Variants in KCNG4 observed in about 807,000 individuals in gnomAD.
The protein encoded by KCNG4 is voltage-gated potassium channel regulatory subunit KCNG4.
A neutral mutation model predicts 28.2 loss-of-function variants in KCNG4; 30 were observed. The observed-to-expected ratio is 1.06, with a 90% CI of 0.80 to 1.44. The LOEUF (loss-of-function observed/expected upper bound fraction) is 1.44, where lower values mean the gene tolerates loss of function less well. Among genes scored for constraint, KCNG4 ranks in the 40% most tolerant of loss-of-function variants. The pLI is 0.00. For missense variants in KCNG4, 879 were observed against 712.3 expected, an observed-to-expected ratio of 1.23 and a Z score of -2.66; for synonymous variants, 375 against 315.5, an observed-to-expected ratio of 1.19 and a Z score of -2.00.
intron 2 of KCNG4, among the ~76,000 whole-genome samples, chr16:84,228,390 G>T (rs944126451): frequency 1.4e-5 from 2 of 142,962 alleles, no homozygotes; most frequent in Admixed American, 1.4e-4. Flanking sequence ...TTCACCATTT[G>T]TGCCTTTGGC....
Position 84,219,220 on chromosome 16 carries a change from C to G in KCNG4, c.*2997G>C, listed in dbSNP as rs1430817776. Reference sequence around the variant, plus strand: ...CTGCTGGTCTTCTTCATCCGCAGGACAGTCCCTGAGCTTGCTTTGTGGAAC... The same window carrying G: ...CTGCTGGTCTTCTTCATCCGCAGGAGAGTCCCTGAGCTTGCTTTGTGGAAC... On this transcript the variant is annotated 3_prime_UTR_variant, in exon 3 of 3. Transcript: ENST00000308251. 2 of 152,274 alleles carry G rather than the reference C, an allele frequency of 1.3e-5. No individual in the cohort carries two copies. Among genetic ancestry groups the G allele is most frequent in the African/African-American group, 2.4e-5 (1 of 41,462 alleles). The allele number at this position is 152,274 out of a possible 1,614,324, so 9.4% of individuals were successfully genotyped here.
rs114015720 is a variant in KCNG4, at chr16:84,224,507, G to A, written c.757-1487C>T. Among the ~76,000 whole-genome samples the A allele has an allele frequency of 3.2e-3, 491 of 152,252 alleles. 4 individuals carry two copies. The highest frequency in any genetic ancestry group is 0.011 in the African/African-American group (477 of 41,542). ...AACTTCTCTGTGTAAAAGGCAAGGT[G>A]TTGACAACCACAGTTTTCTCTGGAT... On this transcript the variant is annotated intron_variant, in intron 2 of 2. Coordinates refer to ENST00000308251, the MANE Select transcript of KCNG4 (RefSeq NM_172347.3).
rs181403342 is a variant in KCNG4, at chr16:84,228,197, C to G, written c.757-5177G>C. 1.8e-4 allele frequency among the ~76,000 whole-genome samples: 27 copies of G among 152,336 alleles called. No individual in the cohort carries two copies. The East Asian group carries it at 5.0e-3, about 28-fold the overall frequency. On this transcript the variant is annotated intron_variant, in intron 2 of 2. Coordinates refer to ENST00000308251, the MANE Select transcript of KCNG4 (RefSeq NM_172347.3). The stretch of plus-strand genomic sequence containing the variant: ...TGCAGGCCAGTTCTGGAAGCTCCAT[C>G]TGGGAGGGGCTCAGGGCCCACAGTC...
In KCNG4 at chr16:84,222,857, T is replaced by C. The variant is rs1279382699; in HGVS notation, c.920A>G (p.Tyr307Cys). The change falls in exon 3 of 3, where the codon TAC (tyrosine) becomes TGC (cysteine). Residue 307 changes from tyrosine (Y) to cysteine (C), a missense_variant. Transcript: ENST00000308251. ...CTCCTCAGACACCGCCAGCGACACG[T>C]AGTATGGGGAGATGGCCAGGATGTC... is the stretch of plus-strand genomic sequence containing the variant. ...IIDILAISPYYVSLAVSEEPP... is the reference protein window; with the variant it reads ...IIDILAISPYCVSLAVSEEPP... 1 of 1,611,586 alleles carries C rather than the reference T, an allele frequency of 6.2e-7. No individual in the cohort carries two copies.
chr16:84,228,242 C>T (rs1331908749), intron 2 of KCNG4, among the ~76,000 whole-genome samples: 3 of 152,216 alleles, frequency 2.0e-5, no homozygotes, highest in Non-Finnish European at 4.4e-5. Context: ...GAGACTTCCT[C>T]GCCCCCTCTG....
In KCNG4 at chr16:84,222,672, G is replaced by C; in HGVS notation, c.1105C>G (p.Arg369Gly). ...AAGAGAAGGAGCAGGCCGAACTCACGTGTGCAACGGCGCACGGTGAGCCCC... is the reference window on the plus strand; with the variant it reads ...AAGAGAAGGAGCAGGCCGAACTCACCTGTGCAACGGCGCACGGTGAGCCCC... ...TLGLTVRRCT[R>G]EFGLLLLFLA... Residue 369 changes from arginine to glycine, a missense_variant, in exon 3 of 3, where the codon CGT becomes GGT. Coordinates refer to ENST00000308251, the MANE Select transcript of KCNG4 (RefSeq NM_172347.3). 6.8e-6 allele frequency: 11 copies of C among 1,613,214 alleles called. No individual in the cohort carries two copies. Among genetic ancestry groups the C allele is most frequent in the Non-Finnish European group, 9.3e-6 (11 of 1,179,860 alleles).
Position 84,220,340 on chromosome 16 carries a change from T to C in KCNG4, c.*1877A>G, listed in dbSNP as rs373245612. 1 of 152,094 alleles carries C rather than the reference T, an allele frequency of 6.6e-6. No homozygotes were observed. Among genetic ancestry groups the C allele is most frequent in the Non-Finnish European group, 1.5e-5 (1 of 68,030 alleles). 9.4% of individuals were successfully genotyped at this position (152,094 alleles called of 1,614,324 possible). ...AGAATGGGGACATGTGCCTGTATAG[T>C]TGGGGGGACACCTGGAGGACTCCAA... On this transcript the variant is annotated 3_prime_UTR_variant, in exon 3 of 3. Coordinates refer to ENST00000308251, the MANE Select transcript of KCNG4 (RefSeq NM_172347.3).
At chr16:84,235,750 T>G (rs1191250247) in intron 2 of KCNG4, 5 of 152,222 alleles carry the variant, frequency 3.3e-5, no homozygotes, top group Non-Finnish European at 7.3e-5. Context: ...ATCTTACGTA[T>G]GTGTTTAGTT....
intron 2 of KCNG4, chr16:84,235,817 G>A (rs1428819497): frequency 3.9e-5 from 6 of 152,216 alleles, no homozygotes; most frequent in African/African-American, 1.2e-4. Context: ...GGCAGCCCTG[G>A]GGGAGCTCGG....
At chr16:84,238,156 G>C (rs1905019837) in intron 1 of KCNG4, among the ~76,000 whole-genome samples, 2 of 152,180 alleles carry the variant, frequency 1.3e-5, no homozygotes, top group Non-Finnish European at 2.9e-5. Context: ...AGATGCTTCT[G>C]ACATGCCTGG....
intron 2 of KCNG4, among the ~76,000 whole-genome samples, chr16:84,228,669 C>T (rs1904753045): frequency 6.6e-6 from 1 of 152,002 alleles, no homozygotes; most frequent in African/African-American, 2.4e-5. Flanking sequence ...CACAAGGGCT[C>T]TGAGAGTGCT....
chr16:84,235,705 C>T (rs1904930731), intron 2 of KCNG4: 1 of 152,176 alleles, frequency 6.6e-6, no homozygotes, highest in Admixed American at 6.5e-5. Flanking sequence ...CTTAGGTGGG[C>T]TGGCAACTGT....
chr16:84,224,331 A>G (rs538954016), intron 2 of KCNG4, among the ~76,000 whole-genome samples: 6 of 152,236 alleles, frequency 3.9e-5, no homozygotes, highest in Admixed American at 2.0e-4. Flanking sequence ...TGAGCTGCAC[A>G]GTAGAATTTT....
In KCNG4 at chr16:84,221,227, G is replaced by A. The variant is rs774073170; in HGVS notation, c.*990C>T. ...GATGACTAGTCTGGGAAGCCAGCAA[G>A]GGACAGCACCTACAATTCCCCTTGT... On this transcript the variant is annotated 3_prime_UTR_variant, in exon 3 of 3. Transcript: ENST00000308251. The A allele has an allele frequency of 4.6e-5, 7 of 152,366 alleles. No individual in the cohort carries two copies. In the South Asian group the frequency reaches 1.4e-3, roughly 32 times the overall value. 9.4% of individuals were successfully genotyped at this position (152,366 alleles called of 1,614,324 possible).
chr16:84,237,441 G>T lies in KCNG4; in HGVS notation c.45C>A (p.His15Gln). 6.6e-7 allele frequency: 1 copy of T among 1,509,980 alleles called. No homozygotes were observed. The allele number at this position is 1,509,980 out of a possible 1,614,324, so 93.5% of individuals were successfully genotyped here. The change falls in exon 2 of 3, where the codon CAC becomes CAA. Residue 15 changes from histidine to glutamine, a missense_variant. By Grantham distance (24) the His-to-Gln change is conservative. Coordinates refer to ENST00000308251, the MANE Select transcript of KCNG4 (RefSeq NM_172347.3). ...SRDGGLHPRH[H>Q]HYGSHSPWSQ... The stretch of plus-strand genomic sequence containing the variant: ...TCCAAGGGCTGTGGGAACCATAGTG[G>T]TGGTGTCTGGGATGCAGGCCCCCGT...
intron 2 of KCNG4, among the ~76,000 whole-genome samples, chr16:84,224,385 A>G (rs1388910655): frequency 7.3e-6 from 1 of 137,638 alleles, no homozygotes; most frequent in East Asian, 2.1e-4. Context: ...CAGGGTAGAA[A>G]ACTTTGCTAT....
At chr16:84,228,116 G>C (rs1904738413) in intron 2 of KCNG4, among the ~76,000 whole-genome samples, 1 of 152,172 alleles carries the variant, frequency 6.6e-6, no homozygotes, top group African/African-American at 2.4e-5. Context: ...TCACGCAGCA[G>C]CAGAGCGGGG....
chr16:84,232,689 C>G (rs745314570), intron 2 of KCNG4, among the ~76,000 whole-genome samples: 1 of 152,044 alleles, frequency 6.6e-6, no homozygotes, highest in Admixed American at 6.6e-5. Context: ...CACTTGAGCT[C>G]AGGAGTTCGA....
intron 2 of KCNG4, among the ~76,000 whole-genome samples, chr16:84,227,499 C>T (rs549131801): frequency 1.9e-3 from 282 of 152,276 alleles, no homozygotes; most frequent in African/African-American, 6.5e-3. Flanking sequence ...ATCACTTGAA[C>T]TCAGGAGGTG....
Sources: gnomAD v4.1 joint callset for allele counts (sites outside exome capture counted in the v4.1 genomes callset) on GRCh38, gnomAD v4.1.1 for gene constraint, MANE v1.5 for transcripts, NCBI Gene and HGNC (gene_info 2026-07-23, HGNC 2026-07-21) for gene names.